The following CADPS2 variants were observed in gnomAD, a reference collection of about 807,000 sequenced individuals.
CADPS2 encodes the protein calcium dependent secretion activator 2.
In CADPS2, 93 loss-of-function variants were observed where a neutral mutation model predicts 172.5. The observed-to-expected ratio is 0.54, with a 90% confidence interval of 0.46 to 0.64. The LOEUF (loss-of-function observed/expected upper bound fraction) is 0.64, where lower values mean the gene tolerates loss of function less well. Among genes scored for constraint, CADPS2 ranks in the 30% least tolerant of loss-of-function variants. The pLI is 0.00. For missense variants in CADPS2, 1,420 were observed against 1,565.9 expected, an observed-to-expected ratio of 0.91 and a Z score of 1.57; for synonymous variants, 546 against 555.2, an observed-to-expected ratio of 0.98 and a Z score of 0.23.
At position 122,554,422 on chromosome 7, in the gene CADPS2, G is replaced by A. The variant is rs76818609; in HGVS notation, c.1475+128C>T. 8.9e-3 allele frequency: 7,601 copies of A among 851,192 alleles called. 390 individuals are homozygous for A. In the African/African-American group the frequency reaches 0.12, roughly 13 times the overall value. The allele number at this position is 851,192 out of a possible 1,614,324, so 52.7% of individuals were successfully genotyped here. On this transcript the variant is annotated intron_variant, in intron 8 of 29. Coordinates refer to ENST00000449022, the MANE Select transcript of CADPS2 (RefSeq NM_017954.11). Reference sequence around the variant, plus strand: ...AAAAACATTGAGTAAGATAACTTACGTATGTCACTTTTTGAGAAAACTCCA... The same window carrying A: ...AAAAACATTGAGTAAGATAACTTACATATGTCACTTTTTGAGAAAACTCCA...
rs532190627 is a variant in CADPS2 at position 122,568,973 on chromosome 7, G to C, written c.1335+12206C>G. 2.1e-3 allele frequency among the ~76,000 whole-genome samples: 319 copies of C among 152,196 alleles called. 2 individuals are homozygous for C. The highest frequency in any genetic ancestry group is 2.6e-3 in the Admixed American group (39 of 15,264). Reference sequence around the variant, plus strand: ...GCATTCCCTTTGAAAACTGGCACAAGACAGGGATGCCCTCTCTCACCACTC... The same window carrying C: ...GCATTCCCTTTGAAAACTGGCACAACACAGGGATGCCCTCTCTCACCACTC... On this transcript the variant is annotated intron_variant, in intron 7 of 29. Coordinates refer to ENST00000449022, the MANE Select transcript of CADPS2 (RefSeq NM_017954.11).
chr7:122,652,036 CT>C (rs2079205942), intron 3 of CADPS2, among the ~76,000 whole-genome samples: 2 of 152,208 alleles, frequency 1.3e-5, no homozygotes, highest in African/African-American at 4.8e-5. Context: ...TGCCTGCATT[CT>C]TTGCATGTGC....
At chr7:122,645,291 A>ATGTG (rs1249000834) in intron 3 of CADPS2, among the ~76,000 whole-genome samples, 1 of 139,412 alleles carries the variant, frequency 7.2e-6, no homozygotes, top group African/African-American at 2.6e-5. Context: ...ACATATGTAC[A>ATGTG]TATATACACA....
At chr7:122,525,199 C>T (rs1197779420) in intron 8 of CADPS2, among the ~76,000 whole-genome samples, 3 of 152,098 alleles carry the variant, frequency 2.0e-5, no homozygotes, top group Non-Finnish European at 4.4e-5. Context: ...TCTCCATGGA[C>T]TATACTTGGT....
intron 8 of CADPS2, among the ~76,000 whole-genome samples, chr7:122,547,141 A>T (rs740813): frequency 6.6e-6 from 1 of 151,692 alleles, no homozygotes; most frequent in Admixed American, 6.6e-5. Context: ...AAATTAAAAC[A>T]TATTAACCCT....
At chr7:122,725,336 T>C (rs2090965341) in intron 2 of CADPS2, among the ~76,000 whole-genome samples, 1 of 151,156 alleles carries the variant, frequency 6.6e-6, no homozygotes, top group African/African-American at 2.4e-5. Context: ...AAACATCTCT[T>C]TTATATATAT....
rs373288423 is a variant in CADPS2 at position 122,389,260 on chromosome 7, C to T, written c.3009-522G>A. 4.6e-5 allele frequency among the ~76,000 whole-genome samples: 7 copies of T among 151,930 alleles called. No individual in the cohort carries two copies. The South Asian group carries it at 1.0e-3, about 23-fold the overall frequency. ...GATGAGACAGGAACTGGAAATAAAA[C>T]GGGCTAGGTAGGGAAGCAATCTTTT... On this transcript the variant is annotated intron_variant, in intron 22 of 29. Transcript: ENST00000449022.
chr7:122,396,192 G>C (rs559465502), intron 20 of CADPS2, among the ~76,000 whole-genome samples: 3 of 152,238 alleles, frequency 2.0e-5, no homozygotes, highest in Admixed American at 6.5e-5. Flanking sequence ...TTAGTCATTA[G>C]TAGAACCAGG....
At chr7:122,390,402 T>C (rs1161692809) in intron 22 of CADPS2, among the ~76,000 whole-genome samples, 2 of 152,144 alleles carry the variant, frequency 1.3e-5, no homozygotes, top group African/African-American at 4.8e-5. Context: ...AACTGAGTTT[T>C]AAGAATAACT....
chr7:122,701,965 A>G, intron 2 of CADPS2: 4 of 1,613,746 alleles, frequency 2.5e-6, no homozygotes, highest in Non-Finnish European at 3.4e-6. Context: ...TGTATGTGTC[A>G]AAGCAAACAA....
chr7:122,757,900 C>T (rs972854991), intron 1 of CADPS2, among the ~76,000 whole-genome samples: 1 of 145,964 alleles, frequency 6.9e-6, no homozygotes, highest in Non-Finnish European at 1.5e-5. Context: ...CATATATTCA[C>T]ATAGCACAGG....
intron 13 of CADPS2, among the ~76,000 whole-genome samples, chr7:122,473,520 T>C (rs1486700547): frequency 2.0e-5 from 3 of 152,206 alleles, no homozygotes; most frequent in Non-Finnish European, 4.4e-5. Flanking sequence ...TTCCAAAATC[T>C]GAAGAAAATT....
chr7:122,650,375 A>T (rs942516322), intron 3 of CADPS2, among the ~76,000 whole-genome samples: 1 of 152,162 alleles, frequency 6.6e-6, no homozygotes, highest in Admixed American at 6.5e-5. Context: ...AGTAGTTGAG[A>T]ATAGACTTTG....
rs2082997417 is a variant in CADPS2 at position 122,681,243 on chromosome 7, C to T, written c.454-17674G>A. The T allele has an allele frequency of 6.9e-6, 5 of 725,914 alleles. No individual in the cohort carries two copies. In the East Asian group the frequency reaches 1.3e-4, roughly 19 times the overall value. The allele number at this position is 725,914 out of a possible 1,614,324, so 45.0% of individuals were successfully genotyped here. ...TGTATACATATGTAATGAACCTGCA[C>T]AATGTGCACATGTACCCTAAAACTT... On this transcript the variant is annotated intron_variant, in intron 2 of 29. Transcript: ENST00000449022.
chr7:122,693,339 T>C (rs1369825321), intron 2 of CADPS2, among the ~76,000 whole-genome samples: 7 of 152,178 alleles, frequency 4.6e-5, no homozygotes, highest in African/African-American at 1.7e-4. Context: ...TTCCTCTCTA[T>C]GAGGAATAGA....
chr7:122,512,743 T>TATATATATTA (rs1369988617), intron 9 of CADPS2, among the ~76,000 whole-genome samples: 1 of 151,564 alleles, frequency 6.6e-6, no homozygotes, highest in East Asian at 1.9e-4. Flanking sequence ...ATTATATGTA[T>TATATATATTA]TATGCTTTAT....
At chr7:122,498,270 G>A (rs961153078) in intron 9 of CADPS2, among the ~76,000 whole-genome samples, 4 of 152,074 alleles carry the variant, frequency 2.6e-5, no homozygotes, top group Non-Finnish European at 5.9e-5. Context: ...CTTTATGATT[G>A]TTCTTACATG....
At chr7:122,400,086 C>A (rs917556451) in intron 20 of CADPS2, among the ~76,000 whole-genome samples, 4 of 151,924 alleles carry the variant, frequency 2.6e-5, no homozygotes, top group Non-Finnish European at 4.4e-5. Context: ...AGCCACTAAA[C>A]CCTATGAAAA....
chr7:122,516,597 A>T (rs1263448535), intron 8 of CADPS2, among the ~76,000 whole-genome samples: 2 of 152,168 alleles, frequency 1.3e-5, no homozygotes, highest in Non-Finnish European at 2.9e-5. Flanking sequence ...TTATTTAAGA[A>T]TAAACACTCA....
Sources: gnomAD v4.1 joint callset for allele counts (sites outside exome capture counted in the v4.1 genomes callset) on GRCh38, gnomAD v4.1.1 for gene constraint, MANE v1.5 for transcripts, NCBI Gene and HGNC (gene_info 2026-07-23, HGNC 2026-07-21) for gene names.